Variants in ADD2 observed in about 807,000 individuals in gnomAD.
ADD2 encodes beta-adducin.
Under a neutral mutation model 83.0 loss-of-function variants are expected in ADD2, and 23 were observed. The observed-to-expected ratio is 0.28, with a 90% confidence interval of 0.20 to 0.39. ADD2 has a LOEUF of 0.39. ADD2 is among the 10% of genes least tolerant of loss of function. The pLI is 1.00. For synonymous variants in ADD2, 375 were observed against 375.4 expected, an observed-to-expected ratio of 1.00 and a Z score of 0.01; for missense variants, 758 against 944.9, an observed-to-expected ratio of 0.80 and a Z score of 2.59.
chr2:70,691,752 C>T (rs2104321929), intron 7 of ADD2: 2 of 152,348 alleles, frequency 1.3e-5, no homozygotes, highest in South Asian at 4.1e-4. Context: ...TGAATGCTCA[C>T]AACCAGTGTG....
chr2:70,748,203 T>A (rs1392300115), intron 1 of ADD2, among the ~76,000 whole-genome samples: 1 of 151,786 alleles, frequency 6.6e-6, no homozygotes, highest in Non-Finnish European at 1.5e-5. Context: ...TTTGAAGACA[T>A]GATTGCCTTA....
intron 1 of ADD2, among the ~76,000 whole-genome samples, chr2:70,764,686 A>T (rs1341489623): frequency 2.6e-5 from 4 of 151,848 alleles, no homozygotes; most frequent in Non-Finnish European, 5.9e-5. Flanking sequence ...CAGGAGGGAG[A>T]GGTGGGAGGA....
chr2:70,700,976 A>C (rs1476526031), intron 4 of ADD2, among the ~76,000 whole-genome samples: 20 of 152,062 alleles, frequency 1.3e-4, no homozygotes, highest in African/African-American at 4.8e-4. Flanking sequence ...GTGAATAATA[A>C]ATCTCAAGGA....
At chr2:70,736,697 A>T (rs1673580789) in intron 1 of ADD2, among the ~76,000 whole-genome samples, 1 of 152,096 alleles carries the variant, frequency 6.6e-6, no homozygotes, top group Non-Finnish European at 1.5e-5. Flanking sequence ...GATCTTATTA[A>T]TGGTTTCTGA....
chr2:70,676,124 T>G lies in ADD2; in HGVS notation c.1593+672A>C. The G allele has an allele frequency of 1.0e-6, 1 of 985,450 alleles. No homozygotes were observed. The highest frequency in any genetic ancestry group is 4.7e-5 in the South Asian group (1 of 21,276). 61.0% of individuals were successfully genotyped at this position (985,450 alleles called of 1,614,324 possible). Reference sequence around the variant, plus strand: ...CCTGTATTTCCCCAATTTTTACTGCTAAGGAAAATGTCATGCCCATTGCTA... The same window carrying G: ...CCTGTATTTCCCCAATTTTTACTGCGAAGGAAAATGTCATGCCCATTGCTA... On this transcript the variant is annotated intron_variant, in intron 13 of 15. Transcript: ENST00000264436. This position sits in a 1 kb window ranked among gnomAD's most constrained non-coding sequence, Gnocchi z 4.8.
At chr2:70,738,926 AT>A (rs1185122757) in intron 1 of ADD2, among the ~76,000 whole-genome samples, 1 of 152,320 alleles carries the variant, frequency 6.6e-6, no homozygotes, top group East Asian at 1.9e-4. Flanking sequence ...ACCCAAAACT[AT>A]TAAAAAACCC....
rs781923305 is a variant in ADD2, at chr2:70,658,734, G to A, written c.*4691C>T. On this transcript the variant is annotated 3_prime_UTR_variant, in exon 16 of 16. Transcript: ENST00000264436. The stretch of plus-strand genomic sequence containing the variant: ...ACTGCGACTGTGCCAACCAACTCTA[G>A]GGCTTCTGCTGACCTGCATGTGTAA... The A allele has an allele frequency of 3.3e-5, 5 of 152,168 alleles. No individual in the cohort carries two copies. Among genetic ancestry groups the A allele is most frequent in the Non-Finnish European group, 7.3e-5 (5 of 68,036 alleles). 9.4% of individuals were successfully genotyped at this position (152,168 alleles called of 1,614,324 possible).
intron 1 of ADD2, among the ~76,000 whole-genome samples, chr2:70,746,183 C>T (rs1423353710): frequency 6.6e-6 from 1 of 152,182 alleles, no homozygotes; most frequent in Non-Finnish European, 1.5e-5. Context: ...AGGCCCAGCT[C>T]AAATGTCAAC....
chr2:70,761,747 C>T (rs1265420976), intron 1 of ADD2, among the ~76,000 whole-genome samples: 2 of 150,646 alleles, frequency 1.3e-5, no homozygotes, highest in Non-Finnish European at 2.9e-5. Flanking sequence ...TCTCGGCTCA[C>T]TGCAAGCTCT....
At chr2:70,673,678 C>A (rs1670003197) in intron 14 of ADD2, among the ~76,000 whole-genome samples, 1 of 152,054 alleles carries the variant, frequency 6.6e-6, no homozygotes, top group African/African-American at 2.4e-5. Context: ...CTCACTGTAA[C>A]CTCCGCCTTC....
chr2:70,760,805 G>A (rs538351085), intron 1 of ADD2: 8 of 152,158 alleles, frequency 5.3e-5, no homozygotes, highest in African/African-American at 1.9e-4. Context: ...ATATTTTAAG[G>A]TTTTTTTAAA....
At chr2:70,767,712 C>G in intron 1 of ADD2, 174 bp downstream of exon 1, 2 of 1,425,364 alleles carry the variant, frequency 1.4e-6, no homozygotes, top group Non-Finnish European at 1.8e-6. Context: ...CACCAGAAAC[C>G]TTTAGGCGCA....
chr2:70,678,919 C>T lies in ADD2; in HGVS notation c.1168G>A (p.Glu390Lys), dbSNP rs1366498185. ...GYTYRHPFVQEKTKHKSEVEI... is the reference protein window; with the variant it reads ...GYTYRHPFVQKKTKHKSEVEI... Reference sequence around the variant, plus strand: ...ACCTCACTTTTGTGTTTGGTTTTCTCTTGAACAAAGGGGTGGCGATACGTG... The same window carrying T: ...ACCTCACTTTTGTGTTTGGTTTTCTTTTGAACAAAGGGGTGGCGATACGTG... The change falls in exon 11 of 16, where the codon GAG becomes AAG. Residue 390 changes from glutamate to lysine, a missense_variant. Glu to Lys is a moderately conservative substitution (Grantham distance 56). Around this residue, in one of 5 missense-constraint regions of ADD2, gnomAD observed 394 missense variants for 509.3 expected, o/e 0.77. Coordinates refer to ENST00000264436, the MANE Select transcript of ADD2 (RefSeq NM_001617.4). The T allele has an allele frequency of 1.2e-6, 2 of 1,613,956 alleles. No homozygotes were observed. The highest frequency in any genetic ancestry group is 2.2e-5 in the East Asian group (1 of 44,886).
At position 70,704,307 on chromosome 2, in the gene ADD2, C is replaced by T. The variant is rs782504614; in HGVS notation, c.322+14G>A. On this transcript the variant is annotated intron_variant, in intron 4 of 15. Transcript: ENST00000264436. Reference sequence around the variant, plus strand: ...TCCACCTCTGCTCCTGGCAGCTCCCCAGACACCACATACTCATGGAAGATG... The same window carrying T: ...TCCACCTCTGCTCCTGGCAGCTCCCTAGACACCACATACTCATGGAAGATG... 2 of 1,606,526 alleles carry T rather than the reference C, an allele frequency of 1.2e-6. No individual in the cohort carries two copies. The highest frequency in any genetic ancestry group is 1.1e-5 in the South Asian group (1 of 90,016).
At chr2:70,759,102 T>C (rs953512040) in intron 1 of ADD2, among the ~76,000 whole-genome samples, 33 of 152,148 alleles carry the variant, frequency 2.2e-4, no homozygotes, top group African/African-American at 7.5e-4. Context: ...ATTTACTACT[T>C]GGCTTAGAAA....
In ADD2 at chr2:70,657,432, G is replaced by C. The variant is rs1254569661; in HGVS notation, c.*5993C>G. 6.6e-6 allele frequency: 1 copy of C among 152,188 alleles called. No homozygotes were observed. Among genetic ancestry groups the C allele is most frequent in the South Asian group, 2.1e-4 (1 of 4,824 alleles). 9.4% of individuals were successfully genotyped at this position (152,188 alleles called of 1,614,324 possible). On this transcript the variant is annotated 3_prime_UTR_variant, in exon 16 of 16. Coordinates refer to ENST00000264436, the MANE Select transcript of ADD2 (RefSeq NM_001617.4). Reference sequence around the variant, plus strand: ...CCCCCACCTGGCCTCTTCCCGGAGAGAGCAAACACTAAGATGTTGGTTGCA... The same window carrying C: ...CCCCCACCTGGCCTCTTCCCGGAGACAGCAAACACTAAGATGTTGGTTGCA...
intron 15 of ADD2, among the ~76,000 whole-genome samples, chr2:70,668,274 C>G (rs2104173253): frequency 6.6e-6 from 1 of 152,270 alleles, no homozygotes; most frequent in East Asian, 1.9e-4. Context: ...CTAATACAGT[C>G]CCCTTCCAGG....
Position 70,706,676 on chromosome 2 carries a change from C to T in ADD2, c.-34-234G>A, listed in dbSNP as rs1671923933. ...GTAAAAACATGGGTTCAGGTGTCCACTCCCTTCCCCAACTAGCCAGCCCTT... is the reference window on the plus strand; with the variant it reads ...GTAAAAACATGGGTTCAGGTGTCCATTCCCTTCCCCAACTAGCCAGCCCTT... On this transcript the variant is annotated intron_variant, in intron 2 of 15. Coordinates refer to ENST00000264436, the MANE Select transcript of ADD2 (RefSeq NM_001617.4). This position sits in a 1 kb window ranked among gnomAD's most constrained non-coding sequence, Gnocchi z 5.0. Among the ~76,000 whole-genome samples the T allele has an allele frequency of 6.6e-6, 1 of 152,178 alleles. No individual in the cohort carries two copies. Among genetic ancestry groups the T allele is most frequent in the African/African-American group, 2.4e-5 (1 of 41,438 alleles).
At position 70,676,486 on chromosome 2, in the gene ADD2, C is replaced by T. The variant is rs1481947108; in HGVS notation, c.1593+310G>A. The T allele has an allele frequency of 2.1e-5, 28 of 1,319,930 alleles. No homozygotes were observed. The highest frequency in any genetic ancestry group is 2.9e-4 in the Middle Eastern group (1 of 3,462). The allele number at this position is 1,319,930 out of a possible 1,614,324, so 81.8% of individuals were successfully genotyped here. A position where few individuals can be genotyped will look rare whatever the true frequency, so the allele number is the denominator to read the frequency against. On this transcript the variant is annotated intron_variant, in intron 13 of 15. Coordinates refer to ENST00000264436, the MANE Select transcript of ADD2 (RefSeq NM_001617.4). This position sits in a 1 kb window ranked among gnomAD's most constrained non-coding sequence, Gnocchi z 4.8. ...CCCAAGCCTATGAGTCCCCACTTCA[C>T]GGGGTAGTAAGGGAGGACAGAGTGG...
Sources: gnomAD v4.1 joint callset for allele counts (sites outside exome capture counted in the v4.1 genomes callset) on GRCh38, gnomAD v4.1.1 for gene constraint, gnomAD v4.1.1 regional missense constraint, Gnocchi (gnomAD v3.1) non-coding constraint, MANE v1.5 for transcripts, NCBI Gene and HGNC (gene_info 2026-07-23, HGNC 2026-07-21) for gene names.